ADGRL2: variants seen among roughly 807,000 people sequenced by gnomAD.
The protein encoded by ADGRL2 is calcium-independent alpha-latrotoxin receptor 2.
A neutral mutation model predicts 157.4 loss-of-function variants in ADGRL2; 44 were observed. That is an observed-to-expected ratio of 0.28 (90% CI 0.22 to 0.36). The LOEUF is 0.36. Ranked by LOEUF, ADGRL2 falls within the 10% of genes least tolerant of loss-of-function variation. The pLI is 1.00. For synonymous variants in ADGRL2, 585 were observed against 624.7 expected, an observed-to-expected ratio of 0.94 and a Z score of 0.95; for missense variants, 1,510 against 1,768.9, an observed-to-expected ratio of 0.85 and a Z score of 2.63.
intron 2 of ADGRL2, among the ~76,000 whole-genome samples, chr1:81,527,510 G>A (rs185103288): frequency 7.9e-4 from 120 of 152,206 alleles, no homozygotes; most frequent in African/African-American, 2.7e-3. Context: ...TCAGGAGTTC[G>A]AGACCAGCCT....
chr1:81,769,502 T>C (rs1257436371), intron 2 of ADGRL2, among the ~76,000 whole-genome samples: 1 of 152,040 alleles, frequency 6.6e-6, no homozygotes, highest in Non-Finnish European at 1.5e-5. Context: ...TTTCCAAATA[T>C]ATAACCTAAT....
intron 7 of ADGRL2, 70 bp from the exon 8 acceptor site, chr1:81,950,948 C>A: frequency 2.1e-6 from 2 of 954,214 alleles, no homozygotes; most frequent in Non-Finnish European, 1.7e-6. Flanking sequence ...GCAGGATCAT[C>A]ATAGCTGATT....
At chr1:81,807,366 A>T (rs922742596) in intron 1 of ADGRL2, among the ~76,000 whole-genome samples, 1 of 151,974 alleles carries the variant, frequency 6.6e-6, no homozygotes, top group African/African-American at 2.4e-5. Context: ...CCCCACCCAA[A>T]TATTCATCTC....
chr1:81,596,921 ATCTG>A (rs1274827102), intron 3 of ADGRL2, among the ~76,000 whole-genome samples: 6 of 152,102 alleles, frequency 3.9e-5, no homozygotes, highest in African/African-American at 1.4e-4. Context: ...CCTGTCCCCC[ATCTG>A]TCTGTCTTTG....
chr1:81,632,887 A>T (rs2082041012), intron 3 of ADGRL2, among the ~76,000 whole-genome samples: 1 of 152,286 alleles, frequency 6.6e-6, no homozygotes, highest in East Asian at 1.9e-4. Flanking sequence ...TCTAAGTGGG[A>T]TGGAAGTCAT....
chr1:81,756,880 T>A (rs1008002942), intron 1 of ADGRL2, among the ~76,000 whole-genome samples: 1 of 152,194 alleles, frequency 6.6e-6, no homozygotes, highest in African/African-American at 2.4e-5. Context: ...AGTTGGGGAC[T>A]AGGTTTACAC....
At chr1:81,620,206 A>ATTGC (rs774356278) in intron 3 of ADGRL2, among the ~76,000 whole-genome samples, 10 of 152,232 alleles carry the variant, frequency 6.6e-5, no homozygotes, top group Non-Finnish European at 1.2e-4. Context: ...GTTGTAGGCA[A>ATTGC]TACATAGGCA....
At position 81,852,710 on chromosome 1, in the gene ADGRL2, G is replaced by T. The variant is rs956717432; in HGVS notation, c.73+15653G>T. ...CTGCCTCTAGCTGTGTGTCTCGCTG[G>T]CTTATTTCTGTTCTCATCCTCTCTG... On this transcript the variant is annotated intron_variant, in intron 2 of 23. Transcript: ENST00000686636. Among the ~76,000 whole-genome samples the T allele has an allele frequency of 1.7e-4, 26 of 151,838 alleles. 1 individual carries two copies.
Position 81,990,928 on chromosome 1 carries a change from C to G in ADGRL2, c.4193C>G (p.Pro1398Arg). 1 of 1,614,064 alleles carries G rather than the reference C, an allele frequency of 6.2e-7. No individual in the cohort carries two copies. The highest frequency in any genetic ancestry group is 2.2e-5 in the East Asian group (1 of 44,846). The change falls in exon 24 of 24, where the codon CCT becomes CGT. Residue 1398 changes from proline to arginine, a missense_variant. This residue lies in a region of ADGRL2 where 327 missense variants were observed against 310.1 expected (regional missense o/e 1.05). Coordinates refer to ENST00000686636, the MANE Select transcript of ADGRL2 (RefSeq NM_001366006.2). Reference protein sequence around the residue: ...LRDSPYPESSPDMEEDLSPSR... With the variant: ...LRDSPYPESSRDMEEDLSPSR... ...GACTCTCCCTATCCGGAGAGCAGCC[C>G]TGACATGGAAGAAGACCTCTCTCCC...
At chr1:81,809,592 G>A (rs2089601517) in intron 1 of ADGRL2, among the ~76,000 whole-genome samples, 1 of 151,966 alleles carries the variant, frequency 6.6e-6, no homozygotes, top group African/African-American at 2.4e-5. Flanking sequence ...AAAATCTTCA[G>A]CCATCATACT....
intron 1 of ADGRL2, among the ~76,000 whole-genome samples, chr1:81,349,019 A>G (rs758284100): frequency 6.6e-6 from 1 of 152,202 alleles, no homozygotes; most frequent in Non-Finnish European, 1.5e-5. Flanking sequence ...ATTCAGTCAC[A>G]CTGATTTTTG....
At chr1:81,769,171 C>G (rs1053702196) in intron 2 of ADGRL2, among the ~76,000 whole-genome samples, 1 of 152,118 alleles carries the variant, frequency 6.6e-6, no homozygotes, top group East Asian at 1.9e-4. Context: ...ACAAATGTCT[C>G]TTTCTAATTT....
intron 1 of ADGRL2, among the ~76,000 whole-genome samples, chr1:81,431,918 C>A (rs1023467130): frequency 3.1e-4 from 47 of 152,178 alleles, no homozygotes; most frequent in African/African-American, 1.1e-3. Context: ...GGCTTTTTAC[C>A]TCTCTTTAAA....
In ADGRL2 at chr1:81,800,961, A is replaced by ACCG. The variant is rs1005548629; in HGVS notation, c.-202_-200dup. Among the ~76,000 whole-genome samples the ACCG allele has an allele frequency of 1.2e-3, 173 of 148,792 alleles. 1 individual carries two copies. Among genetic ancestry groups the ACCG allele is most frequent in the Non-Finnish European group, 5.1e-4 (34 of 67,032 alleles). ...CCGTGCGCGCGCGTCCCTCGCCGCC[A>ACCG]CCGCCGCCCGGACAGCCCTGCGGCC... On this transcript the variant is annotated 5_prime_UTR_variant, in exon 1 of 24. Coordinates refer to ENST00000686636, the MANE Select transcript of ADGRL2 (RefSeq NM_001366006.2).
intron 1 of ADGRL2, among the ~76,000 whole-genome samples, chr1:81,420,728 A>G (rs904602220): frequency 6.6e-6 from 1 of 152,160 alleles, no homozygotes; most frequent in Admixed American, 6.6e-5. Context: ...CTTAGGGTCT[A>G]AAGGCCAGAT....
chr1:81,876,395 T>A (rs1490061728), intron 2 of ADGRL2, among the ~76,000 whole-genome samples: 1 of 152,182 alleles, frequency 6.6e-6, no homozygotes, highest in Non-Finnish European at 1.5e-5. Context: ...CATTGTAATC[T>A]GTAGTATTTT....
At chr1:81,751,323 A>T (rs1336992951) in intron 1 of ADGRL2, among the ~76,000 whole-genome samples, 1 of 152,228 alleles carries the variant, frequency 6.6e-6, no homozygotes, top group Non-Finnish European at 1.5e-5. Flanking sequence ...TACAGTCATC[A>T]CCTTAATCAT....
chr1:81,502,949 A>G, intron 2 of ADGRL2: 52 of 1,612,662 alleles, frequency 3.2e-5, no homozygotes, highest in Non-Finnish European at 4.3e-5. Context: ...ACTCTCAGGA[A>G]AGGTGATGGA....
intron 2 of ADGRL2, among the ~76,000 whole-genome samples, chr1:81,524,964 A>G (rs1054703182): frequency 3.3e-5 from 5 of 152,188 alleles, no homozygotes; most frequent in Non-Finnish European, 7.3e-5. Context: ...TTGTAAAAGT[A>G]CCCAAGAAAG....
Sources: allele counts gnomAD v4.1 joint callset (sites outside exome capture counted in the v4.1 genomes callset), GRCh38; gene constraint gnomAD v4.1.1; regional missense constraint gnomAD v4.1.1; transcripts MANE v1.5; gene names NCBI Gene and HGNC (gene_info 2026-07-23, HGNC 2026-07-21).